Variants in KLHL29 observed in about 807,000 individuals in gnomAD.
KLHL29 encodes the protein kelch-like protein 29.
A neutral mutation model predicts 80.4 loss-of-function variants in KLHL29; 21 were observed. The ratio of observed to expected loss-of-function variants is 0.26; its 90% confidence interval spans 0.19 to 0.38. KLHL29 has a LOEUF of 0.38. Ranked by LOEUF, KLHL29 falls within the 10% of genes least tolerant of loss-of-function variation. The pLI is 1.00. For synonymous variants in KLHL29, 511 were observed against 526.8 expected, an observed-to-expected ratio of 0.97 and a Z score of 0.41; for missense variants, 867 against 1,223.9, an observed-to-expected ratio of 0.71 and a Z score of 4.35.
chr2:23,700,115 T>C lies in KLHL29; in HGVS notation c.2106-3071T>C, dbSNP rs951005090. Among the ~76,000 whole-genome samples, 2 of 152,240 alleles carry C rather than the reference T, an allele frequency of 1.3e-5. No homozygotes were observed. The highest frequency in any genetic ancestry group is 4.8e-5 in the African/African-American group (2 of 41,466). ...TCCACCTCCTGGAAGCCTTCCATCA[T>C]CAGCACTCCCGTCTCTTTCATACAC... On this transcript the variant is annotated intron_variant, in intron 11 of 13. Coordinates refer to ENST00000486442, the MANE Select transcript of KLHL29 (RefSeq NM_052920.2). This position sits in a 1 kb window ranked among gnomAD's most constrained non-coding sequence, Gnocchi z 4.6.
chr2:23,693,232 G>A (rs1432546678), intron 7 of KLHL29, 37 bp from the exon 8 acceptor site: 4 of 1,520,374 alleles, frequency 2.6e-6, no homozygotes, highest in Non-Finnish European at 3.5e-6. Flanking sequence ...CTGCTTCCCG[G>A]GCCTTTGGGT....
At chr2:23,515,805 G>A (rs1260116517) in intron 2 of KLHL29, among the ~76,000 whole-genome samples, 1 of 152,152 alleles carries the variant, frequency 6.6e-6, no homozygotes, top group African/African-American at 2.4e-5. Context: ...AAACCACAAG[G>A]ACTAGATCTG....
chr2:23,504,372 C>T (rs2103457066), intron 2 of KLHL29, among the ~76,000 whole-genome samples: 1 of 152,326 alleles, frequency 6.6e-6, no homozygotes, highest in South Asian at 2.1e-4. Flanking sequence ...GTGGGGGCCA[C>T]TTCTAGGCAC....
At chr2:23,388,996 T>C (rs1331539188) in intron 1 of KLHL29, among the ~76,000 whole-genome samples, 1 of 104,220 alleles carries the variant, frequency 9.6e-6, no homozygotes, top group East Asian at 2.3e-4. Context: ...CTTCTTTTTT[T>C]TTTTTTTTTT....
rs976527971 is a variant in KLHL29 at position 23,412,543 on chromosome 2, G to A, written c.-154+26763G>A. Among the ~76,000 whole-genome samples, 8 of 152,170 alleles carry A rather than the reference G, an allele frequency of 5.3e-5. No individual in the cohort carries two copies. In the South Asian group the frequency reaches 8.3e-4, roughly 16 times the overall value. On this transcript the variant is annotated intron_variant, in intron 1 of 13. Transcript: ENST00000486442. ...ACTGAATGTTCTCCAAGGCTTAGGA[G>A]GGGTGGGAGGACCCCAGGACCACTA...
intron 1 of KLHL29, among the ~76,000 whole-genome samples, chr2:23,416,882 G>A (rs1666992128): frequency 6.6e-6 from 1 of 152,066 alleles, no homozygotes; most frequent in South Asian, 2.1e-4. Flanking sequence ...ACTGCTGACT[G>A]TGAGACCCAT....
intron 2 of KLHL29, among the ~76,000 whole-genome samples, chr2:23,527,100 G>A (rs755696821): frequency 3.3e-5 from 5 of 152,154 alleles, no homozygotes; most frequent in Non-Finnish European, 7.4e-5. Context: ...AGAACTGGGC[G>A]ACGGTGGCCA....
chr2:23,626,237 C>T (rs1332352183), intron 3 of KLHL29, among the ~76,000 whole-genome samples: 1 of 152,198 alleles, frequency 6.6e-6, no homozygotes, highest in Non-Finnish European at 1.5e-5. Context: ...TCTCATGCCG[C>T]CACTGATCTG....
chr2:23,463,965 A>G (rs1349416233), intron 1 of KLHL29, among the ~76,000 whole-genome samples: 1 of 152,176 alleles, frequency 6.6e-6, no homozygotes, highest in Non-Finnish European at 1.5e-5. Flanking sequence ...TCTGGATCAC[A>G]CTATGTATTG....
At chr2:23,509,170 C>T (rs895470062) in intron 2 of KLHL29, among the ~76,000 whole-genome samples, 4 of 152,196 alleles carry the variant, frequency 2.6e-5, no homozygotes, top group Admixed American at 6.5e-5. Context: ...AGGGCAGGAG[C>T]AGATGCTTCA....
chr2:23,484,487 A>G (rs1477003932), intron 2 of KLHL29, among the ~76,000 whole-genome samples: 1 of 152,180 alleles, frequency 6.6e-6, no homozygotes, highest in African/African-American at 2.4e-5. Context: ...TTAACCCGGC[A>G]CTCCGTTCTC....
chr2:23,425,974 T>C (rs946730903), intron 1 of KLHL29, among the ~76,000 whole-genome samples: 4 of 152,208 alleles, frequency 2.6e-5, no homozygotes, highest in Non-Finnish European at 4.4e-5. Flanking sequence ...GGCTCCCATG[T>C]GTGCATTCTT....
intron 2 of KLHL29, among the ~76,000 whole-genome samples, chr2:23,560,172 A>G (rs902131472): frequency 1.3e-5 from 2 of 152,134 alleles, no homozygotes; most frequent in Non-Finnish European, 2.9e-5. Flanking sequence ...AAGTTTAGAC[A>G]ATGCCATCAA....
chr2:23,687,799 G>C (rs533646352), intron 6 of KLHL29, among the ~76,000 whole-genome samples: 4 of 152,312 alleles, frequency 2.6e-5, no homozygotes, highest in South Asian at 2.1e-4. Flanking sequence ...GTTGCTGCAG[G>C]GCCGGGTATG....
intron 2 of KLHL29, among the ~76,000 whole-genome samples, chr2:23,492,653 G>C (rs1405429715): frequency 6.6e-6 from 1 of 152,192 alleles, no homozygotes; most frequent in African/African-American, 2.4e-5. Context: ...CCTTTAGCCT[G>C]ATGCTTATAT....
Position 23,506,846 on chromosome 2 carries a change from C to G in KLHL29, c.-46+31179C>G, listed in dbSNP as rs184085347. Among the ~76,000 whole-genome samples the G allele has an allele frequency of 4.6e-5, 7 of 152,276 alleles. No individual in the cohort carries two copies. The East Asian group carries it at 1.4e-3, about 30-fold the overall frequency. ...CTCAAAAGAACCATGAGCCTGCCTT[C>G]TGCATCCAGCTCTTCTGAATGCCAA... On this transcript the variant is annotated intron_variant, in intron 2 of 13. Transcript: ENST00000486442.
Position 23,679,794 on chromosome 2 carries a change from G to A in KLHL29, c.941-4605G>A, listed in dbSNP as rs142998026. Among the ~76,000 whole-genome samples, 291 of 152,318 alleles carry A rather than the reference G, an allele frequency of 1.9e-3. 1 individual carries two copies. The highest frequency in any genetic ancestry group is 6.8e-3 in the African/African-American group (281 of 41,568). ...AGGGCAGAGGGCAGAGGGTGTGGGA[G>A]GAAGAGGGGAAGGAGGCAAAGAGGC... On this transcript the variant is annotated intron_variant, in intron 5 of 13. Coordinates refer to ENST00000486442, the MANE Select transcript of KLHL29 (RefSeq NM_052920.2).
intron 3 of KLHL29, among the ~76,000 whole-genome samples, chr2:23,585,369 A>G (rs562071386): frequency 1.3e-5 from 2 of 152,230 alleles, no homozygotes; most frequent in African/African-American, 2.4e-5. Context: ...CAAGATTATC[A>G]ATGGTATTAA....
At chr2:23,403,761 G>GTGTGTA (rs1553318975) in intron 1 of KLHL29, among the ~76,000 whole-genome samples, 1 of 151,410 alleles carries the variant, frequency 6.6e-6, no homozygotes, top group African/African-American at 2.4e-5. Context: ...GTGTGTGTGT[G>GTGTGTA]TGTGCAGGCG....
Sources: allele counts gnomAD v4.1 joint callset (sites outside exome capture counted in the v4.1 genomes callset), GRCh38; gene constraint gnomAD v4.1.1; non-coding constraint Gnocchi (gnomAD v3.1); transcripts MANE v1.5; gene names NCBI Gene and HGNC (gene_info 2026-07-23, HGNC 2026-07-21).